MAP3K9: variants seen among roughly 807,000 people sequenced by gnomAD.
MAP3K9 encodes mitogen-activated protein kinase kinase kinase 9, also known as mixed lineage kinase 1 (tyr and ser/thr specificity).
MAP3K9 carries 46 observed loss-of-function variants against 95.8 expected under a neutral mutation model. That is an observed-to-expected ratio of 0.48 (90% CI 0.38 to 0.61). MAP3K9 has a LOEUF of 0.61. Ranked by LOEUF, MAP3K9 falls within the 20% of genes least tolerant of loss-of-function variation. MAP3K9 has a pLI of 0.00. For missense variants in MAP3K9, 1,296 were observed against 1,474.3 expected (o/e 0.88, Z 1.98); for synonymous variants, 533 against 593.8 (o/e 0.90, Z 1.49).
chr14:70,800,728 C>T lies in MAP3K9; in HGVS notation c.759G>A (p.Met253Ile), dbSNP rs2054918855. ...CAATTGCCTCATCATGTAAGTAGTT[C>T]ATCCCTCTGGCAATCTGCACAGCCC... The part of the protein sequence containing the change: ...VNWAVQIARG[M>I]NYLHDEAIVP... Residue 253 changes from methionine to isoleucine, a missense_variant, in exon 2 of 12, where the codon ATG becomes ATA. Around this residue, in one of 5 missense-constraint regions of MAP3K9, gnomAD observed 338 missense variants for 363.4 expected, o/e 0.93. Coordinates refer to ENST00000554752, the MANE Select transcript of MAP3K9 (RefSeq NM_001284230.2). The T allele has an allele frequency of 1.2e-6, 2 of 1,614,140 alleles. No individual in the cohort carries two copies. Among genetic ancestry groups the T allele is most frequent in the Non-Finnish European group, 1.7e-6 (2 of 1,180,022 alleles).
Position 70,748,934 on chromosome 14 carries a change from C to T in MAP3K9, c.1221G>A (p.Glu407=), listed in dbSNP as rs752190559. ...TGGGCATTTCAAAGAAACCAGACTC[C>T]TCTATGGTGGTTAGCTGGTCCAGGA... is the stretch of plus-strand genomic sequence containing the variant. ...TNILDQLTTI[E]ESGFFEMPKD... is the part of the protein sequence containing the mutation. The change falls in exon 5 of 12, where the codon GAG becomes GAA. Residue 407 remains glutamate (E), a synonymous_variant. Coordinates refer to ENST00000554752, the MANE Select transcript of MAP3K9 (RefSeq NM_001284230.2). 18 of 1,613,974 alleles carry T rather than the reference C, an allele frequency of 1.1e-5. No individual in the cohort carries two copies. In the Admixed American group the frequency reaches 2.5e-4, roughly 22 times the overall value.
intron 2 of MAP3K9, among the ~76,000 whole-genome samples, chr14:70,775,836 C>T (rs1337652421): frequency 1.3e-5 from 2 of 152,172 alleles, no homozygotes; most frequent in African/African-American, 4.8e-5. Flanking sequence ...TATTTCATAT[C>T]CTTCTAGGGA....
At chr14:70,808,646 TCAATCGTCCTCCCCACCCCCCGCC>T in intron 1 of MAP3K9, 96 bp downstream of exon 1, 2 of 285,816 alleles carry the variant, frequency 7.0e-6, no homozygotes, top group Non-Finnish European at 6.5e-6. Flanking sequence ...CACACCCAGG[TCAATCGTCCTCCCCACCCCCCGCC>T]CTCATCCCAG....
intron 2 of MAP3K9, among the ~76,000 whole-genome samples, chr14:70,797,976 T>A (rs570667141): frequency 1.3e-5 from 2 of 152,314 alleles, no homozygotes; most frequent in Admixed American, 6.5e-5. Flanking sequence ...GTATTGAGAA[T>A]GTCCTTTAAA....
chr14:70,750,895 C>T (rs2054217155), intron 3 of MAP3K9, among the ~76,000 whole-genome samples: 2 of 152,046 alleles, frequency 1.3e-5, no homozygotes, highest in Non-Finnish European at 1.5e-5. Context: ...TACATTTTTT[C>T]CCCCAAAGTG....
chr14:70,749,953 G>A lies in MAP3K9; in HGVS notation c.1130C>T (p.Pro377Leu). The A allele has an allele frequency of 6.2e-7, 1 of 1,614,238 alleles. No homozygotes were observed. The highest frequency in any genetic ancestry group is 8.5e-7 in the Non-Finnish European group (1 of 1,180,036). Reference protein sequence around the residue: ...ALPIPSTCPEPFAKLMEDCWN... With the variant: ...ALPIPSTCPELFAKLMEDCWN... ...CTTACCTTCCATGAGTTTGGCAAAA[G>A]GTTCTGGGCACGTAGAAGGAATAGG... Residue 377 changes from proline to leucine, a missense_variant, in exon 4 of 12, where the codon CCT becomes CTT. This residue lies in a region of MAP3K9 where 136 missense variants were observed against 221.5 expected (regional missense o/e 0.61). Coordinates refer to ENST00000554752, the MANE Select transcript of MAP3K9 (RefSeq NM_001284230.2).
At chr14:70,754,560 C>A (rs1566743150) in intron 3 of MAP3K9, among the ~76,000 whole-genome samples, 1 of 152,160 alleles carries the variant, frequency 6.6e-6, no homozygotes, top group Non-Finnish European at 1.5e-5. Flanking sequence ...CAAGCTCCAC[C>A]TCCCGGGTTC....
In MAP3K9 at chr14:70,728,125, T is replaced by TTTTC. The variant is rs2053844506; in HGVS notation, c.*2254_*2255insGAAA. 1 of 129,516 alleles carries TTTTC rather than the reference T, an allele frequency of 7.7e-6. No homozygotes were observed. The highest frequency in any genetic ancestry group is 7.4e-5 in the Admixed American group (1 of 13,438). The allele number at this position is 129,516 out of a possible 1,614,324, so 8.0% of individuals were successfully genotyped here. ...GCCACAGAACAGACTTTTTTTTTTTTTTTTTTTTTTTTTGAGACAGAGTTT... is the reference window on the plus strand; with the variant it reads ...GCCACAGAACAGACTTTTTTTTTTTTTTTCTTTTTTTTTTTTTGAGACAGAGTTT... On this transcript the variant is annotated 3_prime_UTR_variant, in exon 12 of 12. Transcript: ENST00000554752.
chr14:70,760,166 CACACACAT>C (rs771809483), intron 3 of MAP3K9, among the ~76,000 whole-genome samples: 27 of 136,984 alleles, frequency 2.0e-4, no homozygotes, highest in East Asian at 5.9e-4. Flanking sequence ...CACACACACA[CACACACAT>C]ACACAGCTCA....
intron 2 of MAP3K9, among the ~76,000 whole-genome samples, chr14:70,770,652 C>T (rs1289448968): frequency 6.6e-6 from 1 of 152,090 alleles, no homozygotes; most frequent in Non-Finnish European, 1.5e-5. Context: ...TACAATCTGC[C>T]CCAGGCTTCC....
intron 2 of MAP3K9, among the ~76,000 whole-genome samples, chr14:70,793,249 T>C (rs2054825833): frequency 6.6e-6 from 1 of 152,006 alleles, no homozygotes; most frequent in South Asian, 2.1e-4. Context: ...TCAGGAAAAG[T>C]GTGAAGAGGG....
intron 3 of MAP3K9, among the ~76,000 whole-genome samples, chr14:70,754,775 T>C (rs1231299760): frequency 6.6e-6 from 1 of 152,154 alleles, no homozygotes; most frequent in East Asian, 1.9e-4. Flanking sequence ...CCAGCCACTA[T>C]TGTAATTTTT....
intron 5 of MAP3K9, 33 bp from the exon 6 acceptor site, chr14:70,742,624 C>G: frequency 6.2e-7 from 1 of 1,607,046 alleles, no homozygotes; most frequent in Non-Finnish European, 8.5e-7. Flanking sequence ...AGAGAAAAGA[C>G]TGGGGTGCTC....
intron 2 of MAP3K9, among the ~76,000 whole-genome samples, chr14:70,797,475 C>G (rs937705176): frequency 4.6e-5 from 7 of 151,990 alleles, no homozygotes; most frequent in African/African-American, 1.7e-4. Context: ...CACTGGCTCA[C>G]GCCTGTAGTC....
At position 70,750,733 on chromosome 14, in the gene MAP3K9, C is replaced by T. The variant is rs1273438946; in HGVS notation, c.1002-652G>A. 9.2e-5 allele frequency among the ~76,000 whole-genome samples: 14 copies of T among 152,130 alleles called. No homozygotes were observed. In the South Asian group the frequency reaches 1.0e-3, roughly 11 times the overall value. ...AACTCCTGACCTCCTGTGATCCTCC[C>T]GCCTCGGCCTCTCAAAGTGCTGAGA... On this transcript the variant is annotated intron_variant, in intron 3 of 11. Coordinates refer to ENST00000554752, the MANE Select transcript of MAP3K9 (RefSeq NM_001284230.2).
At chr14:70,757,951 A>G (rs746164134) in intron 3 of MAP3K9, among the ~76,000 whole-genome samples, 2 of 152,242 alleles carry the variant, frequency 1.3e-5, no homozygotes, top group African/African-American at 2.4e-5. Flanking sequence ...TAAAACTCTT[A>G]GAAAAAAATA....
chr14:70,767,049 T>C (rs1376632329), intron 2 of MAP3K9, among the ~76,000 whole-genome samples: 2 of 152,154 alleles, frequency 1.3e-5, no homozygotes, highest in East Asian at 1.9e-4. Context: ...ACCTATGCCA[T>C]GTCCCCTTTA....
intron 2 of MAP3K9, chr14:70,765,478 G>A (rs2139791739): frequency 2.9e-6 from 2 of 693,438 alleles, no homozygotes; most frequent in Non-Finnish European, 2.6e-6. Context: ...TCCATTTCAT[G>A]GTGAGTGTTC....
chr14:70,769,286 G>C (rs17176985), intron 2 of MAP3K9, among the ~76,000 whole-genome samples: 1 of 151,950 alleles, frequency 6.6e-6, no homozygotes. Flanking sequence ...AATCCCATCC[G>C]GTCCCTTTAG....
Sources: gnomAD v4.1 joint callset for allele counts (sites outside exome capture counted in the v4.1 genomes callset) on GRCh38, gnomAD v4.1.1 for gene constraint, gnomAD v4.1.1 regional missense constraint, MANE v1.5 for transcripts, NCBI Gene and HGNC (gene_info 2026-07-23, HGNC 2026-07-21) for gene names.